Variants in GALNT17 observed in about 807,000 individuals in gnomAD.
GALNT17 encodes the protein polypeptide N-acetylgalactosaminyltransferase 17.
In GALNT17, 29 loss-of-function variants were observed where a neutral mutation model predicts 63.7. The ratio of observed to expected loss-of-function variants is 0.46; its 90% CI spans 0.34 to 0.62. The LOEUF is 0.62. Ranked by LOEUF, GALNT17 falls within the 20% of genes least tolerant of loss-of-function variation. GALNT17 has a pLI of 0.01. For missense variants in GALNT17, 603 were observed against 799.6 expected (o/e 0.75, Z 2.97); for synonymous variants, 305 against 318.3 (o/e 0.96, Z 0.45).
At chr7:71,698,137 A>AAAAG (rs1554326184) in intron 9 of GALNT17, among the ~76,000 whole-genome samples, 1 of 151,218 alleles carries the variant, frequency 6.6e-6, no homozygotes, top group African/African-American at 2.4e-5. Context: ...AAAAAAAAAA[A>AAAAG]AAAAGAAAAG....
intron 5 of GALNT17, among the ~76,000 whole-genome samples, chr7:71,423,525 A>G (rs1479409098): frequency 2.6e-5 from 4 of 152,144 alleles, no homozygotes; most frequent in Non-Finnish European, 4.4e-5. Context: ...GTTGGTGTTA[A>G]GTAAGATAGC....
chr7:71,185,446 C>T (rs937956457), intron 1 of GALNT17, among the ~76,000 whole-genome samples: 2 of 151,798 alleles, frequency 1.3e-5, no homozygotes, highest in African/African-American at 4.8e-5. Flanking sequence ...AATCCTCCTG[C>T]CTTGGCCTCC....
chr7:71,618,733 G>T (rs771646265), intron 6 of GALNT17, among the ~76,000 whole-genome samples: 6 of 152,046 alleles, frequency 3.9e-5, no homozygotes, highest in Non-Finnish European at 7.4e-5. Context: ...TATATAATTT[G>T]CAAATATCTT....
intron 2 of GALNT17, among the ~76,000 whole-genome samples, chr7:71,365,132 C>T (rs1792479608): frequency 1.3e-5 from 2 of 152,090 alleles, no homozygotes; most frequent in Admixed American, 1.3e-4. Flanking sequence ...TGGGCTTCAC[C>T]ATGTTGGCCA....
intron 2 of GALNT17, among the ~76,000 whole-genome samples, chr7:71,370,011 T>C (rs767855725): frequency 2.6e-5 from 4 of 152,098 alleles, no homozygotes; most frequent in Non-Finnish European, 4.4e-5. Flanking sequence ...CAATTGGCCA[T>C]GTAAGTTATT....
intron 5 of GALNT17, among the ~76,000 whole-genome samples, chr7:71,547,470 G>C (rs1439137038): frequency 6.6e-6 from 1 of 152,012 alleles, no homozygotes; most frequent in Non-Finnish European, 1.5e-5. Flanking sequence ...ATTTTTAGTA[G>C]AAATAGGGTT....
chr7:71,451,435 C>G lies in GALNT17; in HGVS notation c.962+30330C>G, dbSNP rs150647145. On this transcript the variant is annotated intron_variant, in intron 5 of 10. Coordinates refer to ENST00000333538, the MANE Select transcript of GALNT17 (RefSeq NM_022479.3). ...CTTCTATATGTTTTTGGTAAGAGTT[C>G]TTTGCTCAGATCTAATAGCATTTAT... 1.2e-4 allele frequency among the ~76,000 whole-genome samples: 18 copies of G among 152,266 alleles called. No homozygotes were observed. The East Asian group carries it at 3.3e-3, about 28-fold the overall frequency.
intron 1 of GALNT17, among the ~76,000 whole-genome samples, chr7:71,283,574 A>T (rs187211533): frequency 6.6e-6 from 1 of 152,302 alleles, no homozygotes; most frequent in Admixed American, 6.5e-5. Context: ...TCTATTCCAG[A>T]TGATATGGTT....
At chr7:71,608,576 G>A (rs559099587) in intron 6 of GALNT17, among the ~76,000 whole-genome samples, 1 of 152,254 alleles carries the variant, frequency 6.6e-6, no homozygotes, top group South Asian at 2.1e-4. Context: ...GACCTGAATT[G>A]TGCTTGGTTT....
At chr7:71,670,899 T>TGTGTGC (rs1562729872) in intron 8 of GALNT17, among the ~76,000 whole-genome samples, 1 of 103,124 alleles carries the variant, frequency 9.7e-6, no homozygotes, top group African/African-American at 2.5e-5. Context: ...TGTGTGTGTG[T>TGTGTGC]GTGCGTGTGT....
intron 7 of GALNT17, among the ~76,000 whole-genome samples, chr7:71,668,354 T>C (rs1276946896): frequency 6.6e-6 from 1 of 151,644 alleles, no homozygotes; most frequent in Admixed American, 6.6e-5. Context: ...CTGTCTCCAC[T>C]AAAAATGCAA....
chr7:71,273,671 C>T lies in GALNT17; in HGVS notation c.239-61879C>T, dbSNP rs115933191. Among the ~76,000 whole-genome samples the T allele has an allele frequency of 1.0e-3, 153 of 152,298 alleles. 1 individual carries two copies. The highest frequency in any genetic ancestry group is 3.6e-3 in the African/African-American group (150 of 41,566). The stretch of plus-strand genomic sequence containing the variant: ...AACAATGTTTTTGGAGCCTAATTCT[C>T]ATTTGTACTTTAGAGCCAACAGATG... On this transcript the variant is annotated intron_variant, in intron 1 of 10. Coordinates refer to ENST00000333538, the MANE Select transcript of GALNT17 (RefSeq NM_022479.3).
chr7:71,548,490 G>A (rs993722073), intron 5 of GALNT17, among the ~76,000 whole-genome samples: 46 of 152,160 alleles, frequency 3.0e-4, no homozygotes, highest in African/African-American at 1.1e-3. Context: ...TCTGGTAGAA[G>A]GTAATTGAAT....
chr7:71,392,086 G>T (rs1793062121), intron 3 of GALNT17, among the ~76,000 whole-genome samples: 1 of 152,170 alleles, frequency 6.6e-6, no homozygotes, highest in Non-Finnish European at 1.5e-5. Context: ...AACATTGGGG[G>T]TCACATTTCA....
At chr7:71,608,999 T>A (rs1390378215) in intron 6 of GALNT17, among the ~76,000 whole-genome samples, 1 of 151,094 alleles carries the variant, frequency 6.6e-6, no homozygotes, top group Non-Finnish European at 1.5e-5. Flanking sequence ...CAGACTCATC[T>A]CAAACTCCTG....
At chr7:71,436,303 T>C (rs895768275) in intron 5 of GALNT17, among the ~76,000 whole-genome samples, 2 of 152,154 alleles carry the variant, frequency 1.3e-5, no homozygotes, top group African/African-American at 2.4e-5. Context: ...ATCATTCCAC[T>C]GCACACCAGC....
chr7:71,255,339 C>G (rs1374275227), intron 1 of GALNT17, among the ~76,000 whole-genome samples: 1 of 152,166 alleles, frequency 6.6e-6, no homozygotes, highest in African/African-American at 2.4e-5. Flanking sequence ...CAAGCTCTCT[C>G]TTTTCTTGTC....
At chr7:71,162,228 T>C (rs1788362805) in intron 1 of GALNT17, among the ~76,000 whole-genome samples, 1 of 151,820 alleles carries the variant, frequency 6.6e-6, no homozygotes, top group African/African-American at 2.4e-5. Context: ...ACTTTCGTTA[T>C]TCTTTCAAAG....
intron 6 of GALNT17, among the ~76,000 whole-genome samples, chr7:71,593,723 CT>C (rs1383156974): frequency 1.3e-5 from 2 of 152,140 alleles, no homozygotes; most frequent in Non-Finnish European, 2.9e-5. Context: ...ATTCCCTTCC[CT>C]TTTGAAAATC....
Sources: gnomAD v4.1 joint callset for allele counts (sites outside exome capture counted in the v4.1 genomes callset) on GRCh38, gnomAD v4.1.1 for gene constraint, MANE v1.5 for transcripts, NCBI Gene and HGNC (gene_info 2026-07-23, HGNC 2026-07-21) for gene names.